The following PARD3B variants were observed in gnomAD, a reference collection of about 807,000 sequenced individuals.
PARD3B encodes partitioning defective 3 homolog B.
In PARD3B, 103 loss-of-function variants were observed where a neutral mutation model predicts 130.2. The ratio of observed to expected loss-of-function variants is 0.79; its 90% CI spans 0.67 to 0.93. PARD3B has a LOEUF of 0.93. Ranked by LOEUF, PARD3B falls within the 40% of genes least tolerant of loss-of-function variation. PARD3B has a pLI of 0.00. For synonymous variants in PARD3B, 583 were observed against 553.2 expected (o/e 1.05, Z -0.76); for missense variants, 1,609 against 1,499.2 (o/e 1.07, Z -1.21).
rs540457380 is a variant in PARD3B, at chr2:205,405,818, C to T, written c.2741+4695C>T. On this transcript the variant is annotated intron_variant, in intron 19 of 22. Transcript: ENST00000406610. This position sits in a 1 kb window ranked among gnomAD's most constrained non-coding sequence, Gnocchi z 4.1. ...TGCATTTAGGTCCAAAAATGAACTA[C>T]ACATACACAGGATGTGGAAGGTTTG... Among the ~76,000 whole-genome samples the T allele has an allele frequency of 2.0e-5, 3 of 152,250 alleles. No individual in the cohort carries two copies. In the East Asian group the frequency reaches 5.8e-4, roughly 29 times the overall value.
At chr2:205,401,182 G>C in intron 19 of PARD3B, 59 bp downstream of exon 19, 1 of 1,328,682 alleles carries the variant, frequency 7.5e-7, no homozygotes. Flanking sequence ...GTTTAATTTA[G>C]ATATTGCAAC....
intron 20 of PARD3B, among the ~76,000 whole-genome samples, chr2:205,479,895 ATTTTTTT>A (rs71032475): frequency 2.3e-5 from 3 of 127,832 alleles, no homozygotes; most frequent in Non-Finnish European, 4.8e-5. Flanking sequence ...GCCATATGCA[ATTTTTTT>A]TTTTTTTTTT....
At chr2:205,284,545 G>A (rs1574594694) in intron 16 of PARD3B, among the ~76,000 whole-genome samples, 2 of 152,070 alleles carry the variant, frequency 1.3e-5, no homozygotes, top group Admixed American at 1.3e-4. Context: ...TGGCTGGGTT[G>A]TCCCCAGCCT....
At position 205,122,376 on chromosome 2, in the gene PARD3B, A is replaced by G. The variant is rs2030850279; in HGVS notation, c.1165+427A>G. Among the ~76,000 whole-genome samples, 1 of 152,228 alleles carries G rather than the reference A, an allele frequency of 6.6e-6. No individual in the cohort carries two copies. The highest frequency in any genetic ancestry group is 2.1e-4 in the South Asian group (1 of 4,832). The stretch of plus-strand genomic sequence containing the variant: ...AACAACAAAAATTTACTCCTCAGAA[A>G]GCAAATATGTAATGTTTACTAATTT... On this transcript the variant is annotated intron_variant, in intron 8 of 22. Transcript: ENST00000406610. This position sits in a 1 kb window ranked among gnomAD's most constrained non-coding sequence, Gnocchi z 4.3.
rs534863510 is a variant in PARD3B, at chr2:205,504,368, G to A, written c.3180+4337G>A. ...CATGTCTAAAACACCAAAAGCAATG[G>A]CAACAAAAGCCAACATTGACAAATG... On this transcript the variant is annotated intron_variant, in intron 21 of 22. Coordinates refer to ENST00000406610, the MANE Select transcript of PARD3B (RefSeq NM_001302769.2). Among the ~76,000 whole-genome samples the A allele has an allele frequency of 9.1e-4, 138 of 152,260 alleles. 1 individual carries two copies. Among genetic ancestry groups the A allele is most frequent in the African/African-American group, 3.2e-3 (134 of 41,534 alleles).
chr2:204,638,951 A>T (rs1385548141), intron 1 of PARD3B, among the ~76,000 whole-genome samples: 1 of 151,816 alleles, frequency 6.6e-6, no homozygotes, highest in Admixed American at 6.6e-5. Context: ...CTTATTAACT[A>T]TGTGTCCTTG....
intron 2 of PARD3B, among the ~76,000 whole-genome samples, chr2:204,964,643 A>T (rs1053468510): frequency 6.6e-6 from 1 of 152,214 alleles, no homozygotes; most frequent in Non-Finnish European, 1.5e-5. Context: ...AAGTATTCAC[A>T]CAATGTATGT....
At chr2:204,780,327 CT>C (rs1256170153) in intron 2 of PARD3B, among the ~76,000 whole-genome samples, 2 of 152,028 alleles carry the variant, frequency 1.3e-5, no homozygotes, top group Non-Finnish European at 2.9e-5. Flanking sequence ...CTTAACAGTA[CT>C]AGTTATTATC....
chr2:205,556,585 T>A (rs2052895311), intron 22 of PARD3B, among the ~76,000 whole-genome samples: 1 of 152,236 alleles, frequency 6.6e-6, no homozygotes. Flanking sequence ...TAAGTGTTAT[T>A]GTTAAGCAAT....
At chr2:204,722,433 G>C (rs1559088769) in intron 2 of PARD3B, among the ~76,000 whole-genome samples, 1 of 152,138 alleles carries the variant, frequency 6.6e-6, no homozygotes, top group Non-Finnish European at 1.5e-5. Context: ...GGATTAGATT[G>C]GCTAACTTCT....
At chr2:205,212,113 G>GT (rs1170486955) in intron 15 of PARD3B, among the ~76,000 whole-genome samples, 1 of 152,042 alleles carries the variant, frequency 6.6e-6, no homozygotes, top group Non-Finnish European at 1.5e-5. Context: ...TAGGTGCCCA[G>GT]TCCTCTCACT....
At chr2:205,062,293 G>A (rs909548215) in intron 4 of PARD3B, among the ~76,000 whole-genome samples, 3 of 152,104 alleles carry the variant, frequency 2.0e-5, no homozygotes, top group Non-Finnish European at 2.9e-5. Flanking sequence ...AGAAATTAGT[G>A]TTTAATATAG....
chr2:204,546,181 G>A, intron 1 of PARD3B, 62 bp downstream of exon 1: 5 of 1,545,222 alleles, frequency 3.2e-6, no homozygotes, highest in African/African-American at 2.7e-5. Context: ...GGTGCGACCC[G>A]GTGGCGACAC....
chr2:204,698,312 T>C (rs1396852492), intron 2 of PARD3B, among the ~76,000 whole-genome samples: 1 of 152,104 alleles, frequency 6.6e-6, no homozygotes, highest in African/African-American at 2.4e-5. Flanking sequence ...AATTGGAAAG[T>C]TTTCAGATTG....
At chr2:205,240,372 T>C (rs1295590273) in intron 15 of PARD3B, among the ~76,000 whole-genome samples, 2 of 152,194 alleles carry the variant, frequency 1.3e-5, no homozygotes, top group Non-Finnish European at 2.9e-5. Context: ...CATTAGAAGA[T>C]GTATTTTTAT....
chr2:205,142,802 C>T lies in PARD3B; in HGVS notation c.1435-15920C>T, dbSNP rs754496690. On this transcript the variant is annotated intron_variant, in intron 10 of 22. Transcript: ENST00000406610. This position sits in a 1 kb window ranked among gnomAD's most constrained non-coding sequence, Gnocchi z 4.3. ...CTGACGCAGGAGAATCGTTTGAACC[C>T]GGGAGGCAGAGGTTGCAGTGAGCCG... Among the ~76,000 whole-genome samples the T allele has an allele frequency of 1.6e-4, 24 of 151,842 alleles. No homozygotes were observed. The highest frequency in any genetic ancestry group is 2.5e-4 in the Non-Finnish European group (17 of 67,984).
chr2:205,509,645 G>A (rs1389843193), intron 21 of PARD3B, among the ~76,000 whole-genome samples: 3 of 152,192 alleles, frequency 2.0e-5, no homozygotes, highest in East Asian at 1.9e-4. Context: ...CAGGAGAGGG[G>A]CTAATGGAAT....
intron 18 of PARD3B, among the ~76,000 whole-genome samples, chr2:205,330,967 G>A (rs923704587): frequency 2.0e-5 from 3 of 152,122 alleles, no homozygotes; most frequent in African/African-American, 7.2e-5. Flanking sequence ...TCAAATGGAT[G>A]TTTATTTCTT....
At chr2:205,097,353 T>C (rs1438635234) in intron 4 of PARD3B, among the ~76,000 whole-genome samples, 1 of 152,174 alleles carries the variant, frequency 6.6e-6, no homozygotes, top group African/African-American at 2.4e-5. Flanking sequence ...TCAAGAATCC[T>C]AGATTCTGGC....
Sources: allele counts gnomAD v4.1 joint callset (sites outside exome capture counted in the v4.1 genomes callset), GRCh38; gene constraint gnomAD v4.1.1; non-coding constraint Gnocchi (gnomAD v3.1); transcripts MANE v1.5; gene names NCBI Gene and HGNC (gene_info 2026-07-23, HGNC 2026-07-21).